The following TAFA2 variants were observed in gnomAD, a reference collection of about 807,000 sequenced individuals.
TAFA2 encodes TAFA chemokine like family member 2, also known as chemokine-like protein TAFA-2.
Under a neutral mutation model 18.8 loss-of-function variants are expected in TAFA2, and 7 were observed. The observed-to-expected ratio is 0.37, with a 90% confidence interval of 0.21 to 0.70. The LOEUF (loss-of-function observed/expected upper bound fraction) is 0.70. Ranked by LOEUF, TAFA2 falls within the 30% of genes least tolerant of loss-of-function variation. The probability of loss-of-function intolerance (pLI) is 0.53; values close to 1 mark genes in which losing one functional copy is unlikely to be tolerated. For synonymous variants in TAFA2, 60 were observed against 54.2 expected, an observed-to-expected ratio of 1.11 and a Z score of -0.47; for missense variants, 122 against 158.1, an observed-to-expected ratio of 0.77 and a Z score of 1.23.
At chr12:61,994,145 C>A (rs895682628) in intron 1 of TAFA2, among the ~76,000 whole-genome samples, 2 of 152,154 alleles carry the variant, frequency 1.3e-5, no homozygotes. Flanking sequence ...ACCCATTCAA[C>A]CTTTTCCACC....
chr12:61,781,632 C>T (rs1870508892), intron 2 of TAFA2, among the ~76,000 whole-genome samples: 1 of 151,240 alleles, frequency 6.6e-6, no homozygotes, highest in Admixed American at 6.6e-5. Context: ...TCAGGCAAAG[C>T]AAAAGACTAA....
chr12:61,771,745 A>T (rs1270262019), intron 2 of TAFA2, among the ~76,000 whole-genome samples: 2 of 151,946 alleles, frequency 1.3e-5, no homozygotes, highest in African/African-American at 4.8e-5. Context: ...CTATGAAAAA[A>T]GTTTGTAGCA....
rs565417855 is a variant in TAFA2, at chr12:61,929,133, T to C, written c.-1-61707A>G. On this transcript the variant is annotated intron_variant, in intron 1 of 4. Transcript: ENST00000416284. ...GTAACAAACCTGCACGTTCTGCACATGTATCCCCAAACTTAAAGTATAATT... is the reference window on the plus strand; with the variant it reads ...GTAACAAACCTGCACGTTCTGCACACGTATCCCCAAACTTAAAGTATAATT... Among the ~76,000 whole-genome samples, 4 of 149,894 alleles carry C rather than the reference T, an allele frequency of 2.7e-5. No homozygotes were observed. The East Asian group carries it at 5.9e-4, about 22-fold the overall frequency.
chr12:61,757,898 G>A (rs1869350372), intron 2 of TAFA2, among the ~76,000 whole-genome samples: 1 of 152,018 alleles, frequency 6.6e-6, no homozygotes, highest in Non-Finnish European at 1.5e-5. Flanking sequence ...CGAGTACCTG[G>A]ATTCGAATCT....
chr12:61,714,616 C>T (rs1002293814), intron 4 of TAFA2, among the ~76,000 whole-genome samples: 1 of 152,136 alleles, frequency 6.6e-6, no homozygotes, highest in African/African-American at 2.4e-5. Flanking sequence ...TGGTTAATGA[C>T]ATATATGGTA....
intron 1 of TAFA2, among the ~76,000 whole-genome samples, chr12:62,183,145 G>A (rs1003688305): frequency 1.3e-5 from 2 of 152,160 alleles, no homozygotes; most frequent in African/African-American, 2.4e-5. Context: ...TCATGAAAGT[G>A]GAGCCCTCAT....
intron 1 of TAFA2, among the ~76,000 whole-genome samples, chr12:62,001,222 AAC>A (rs1354329999): frequency 9.2e-5 from 14 of 152,144 alleles, no homozygotes; most frequent in Non-Finnish European, 1.2e-4. Context: ...TCCATTCAGC[AAC>A]ACAATATATA....
At chr12:62,186,499 A>T (rs1256716648) in intron 1 of TAFA2, among the ~76,000 whole-genome samples, 1 of 152,162 alleles carries the variant, frequency 6.6e-6, no homozygotes, top group Non-Finnish European at 1.5e-5. Context: ...AGAATGCAAC[A>T]TTATCACATT....
intron 1 of TAFA2, among the ~76,000 whole-genome samples, chr12:62,078,204 C>G (rs941237236): frequency 1.3e-5 from 2 of 152,082 alleles, no homozygotes. Flanking sequence ...CAGAAAGCTG[C>G]CCCCTCCTAA....
intron 1 of TAFA2, among the ~76,000 whole-genome samples, chr12:62,082,084 G>C (rs758816216): frequency 5.3e-5 from 8 of 152,062 alleles, no homozygotes; most frequent in Non-Finnish European, 1.2e-4. Flanking sequence ...GAGGATAATG[G>C]CTTCCAACTC....
At chr12:61,900,466 G>A (rs1876048916) in intron 1 of TAFA2, among the ~76,000 whole-genome samples, 1 of 152,118 alleles carries the variant, frequency 6.6e-6, no homozygotes, top group South Asian at 2.1e-4. Flanking sequence ...ATTTATAAAG[G>A]AAAAAGATTT....
At chr12:61,994,948 G>A (rs1264870711) in intron 1 of TAFA2, among the ~76,000 whole-genome samples, 1 of 152,026 alleles carries the variant, frequency 6.6e-6, no homozygotes, top group African/African-American at 2.4e-5. Flanking sequence ...TCCCATTCTA[G>A]ACCATCCTTT....
At chr12:62,064,713 A>T (rs1373128328) in intron 1 of TAFA2, among the ~76,000 whole-genome samples, 1 of 152,092 alleles carries the variant, frequency 6.6e-6, no homozygotes, top group Middle Eastern at 3.2e-3. Context: ...ATATGACTGA[A>T]TTGCATTCCC....
At position 62,201,385 on chromosome 12, in the gene TAFA2, G is replaced by T. The variant is rs544465946; in HGVS notation, c.-130+57378C>A. Among the ~76,000 whole-genome samples the T allele has an allele frequency of 7.2e-4, 110 of 152,200 alleles. 1 individual carries two copies. Among genetic ancestry groups the T allele is most frequent in the African/African-American group, 2.5e-3 (105 of 41,516 alleles). ...ATTGGCTGTCAGTTTGTCATAAAAG[G>T]TTCTTTTTATTTTGAGGTATGTTCC... On this transcript the variant is annotated intron_variant, in intron 1 of 5. Transcript: ENST00000551619.
At chr12:61,909,351 C>T (rs921984830) in intron 1 of TAFA2, among the ~76,000 whole-genome samples, 2 of 152,116 alleles carry the variant, frequency 1.3e-5, no homozygotes, top group Non-Finnish European at 2.9e-5. Flanking sequence ...CAGGACATCG[C>T]ATATAAGGCT....
intron 1 of TAFA2, among the ~76,000 whole-genome samples, chr12:62,121,465 G>A (rs777116473): frequency 9.9e-5 from 15 of 152,074 alleles, no homozygotes; most frequent in African/African-American, 2.9e-4. Flanking sequence ...GAGAAATAAC[G>A]AATTCCCATG....
At chr12:61,856,489 T>TG (rs1327405143) in intron 2 of TAFA2, among the ~76,000 whole-genome samples, 2 of 152,018 alleles carry the variant, frequency 1.3e-5, no homozygotes, top group Non-Finnish European at 2.9e-5. Flanking sequence ...ATCTCAGTGT[T>TG]GGTAAGGGCT....
At chr12:62,168,705 C>T (rs188469599) in intron 1 of TAFA2, among the ~76,000 whole-genome samples, 389 of 152,080 alleles carry the variant, frequency 2.6e-3, no homozygotes, top group Non-Finnish European at 3.9e-3. Flanking sequence ...AGCATGGAGG[C>T]GTGCACCTGT....
intron 4 of TAFA2, among the ~76,000 whole-genome samples, chr12:61,722,003 GC>G (rs1565749824): frequency 1.3e-5 from 2 of 151,916 alleles, no homozygotes; most frequent in East Asian, 3.9e-4. Flanking sequence ...AAGTACTCCA[GC>G]GATATCAAAA....
Sources: gnomAD v4.1 joint callset for allele counts (sites outside exome capture counted in the v4.1 genomes callset) on GRCh38, gnomAD v4.1.1 for gene constraint, MANE v1.5 for transcripts, NCBI Gene and HGNC (gene_info 2026-07-23, HGNC 2026-07-21) for gene names.